MAMDC2: variants seen among roughly 807,000 people sequenced by gnomAD.
MAMDC2 encodes the protein MAM domain-containing protein 2.
In MAMDC2, 57 loss-of-function variants were observed where a neutral mutation model predicts 89.8. The observed-to-expected ratio is 0.63, with a 90% confidence interval of 0.51 to 0.79. MAMDC2 has a LOEUF of 0.79. Ranked by LOEUF, MAMDC2 falls within the 30% of genes least tolerant of loss-of-function variation. The pLI, the probability that MAMDC2 is intolerant of heterozygous loss-of-function variation, is 0.00. For synonymous variants in MAMDC2, 313 were observed against 293.4 expected (o/e 1.07, Z -0.68); for missense variants, 800 against 820.6 (o/e 0.97, Z 0.31).
At chr9:70,161,941 G>T (rs1054544821) in intron 9 of MAMDC2, among the ~76,000 whole-genome samples, 1 of 152,150 alleles carries the variant, frequency 6.6e-6, no homozygotes, top group Non-Finnish European at 1.5e-5. Context: ...AAATCAAACC[G>T]TCTGGGAAAT....
chr9:70,209,541 G>C (rs992275854), intron 11 of MAMDC2, among the ~76,000 whole-genome samples: 1 of 39,654 alleles, frequency 2.5e-5, no homozygotes. Context: ...TAGTCTGAGC[G>C]GTCTATCTAT....
At position 70,185,110 on chromosome 9, in the gene MAMDC2, GT is replaced by G. The variant is rs1248345641; in HGVS notation, c.1651+14481del. Among the ~76,000 whole-genome samples the G allele has an allele frequency of 2.6e-5, 4 of 152,208 alleles. No homozygotes were observed. The East Asian group carries it at 7.7e-4, about 29-fold the overall frequency. ...ATGTTGATATTATTGTTTTCTGTCT[GT>G]TAGTTTTTCTTCTAACAGTCAGGCC... On this transcript the variant is annotated intron_variant, in intron 11 of 13. Coordinates refer to ENST00000377182, the MANE Select transcript of MAMDC2 (RefSeq NM_153267.5).
intron 9 of MAMDC2, 45 bp from the exon 10 acceptor site, chr9:70,168,657 G>A: frequency 6.5e-7 from 1 of 1,536,358 alleles, no homozygotes; most frequent in Non-Finnish European, 9.0e-7. Flanking sequence ...GGAGTTTCCA[G>A]TTTTCAGTTA....
At chr9:70,146,239 G>A (rs778519465) in intron 9 of MAMDC2, among the ~76,000 whole-genome samples, 3 of 152,138 alleles carry the variant, frequency 2.0e-5, no homozygotes, top group African/African-American at 4.8e-5. Context: ...CTACCAAGCC[G>A]CCCAGCAACT....
Position 70,226,949 on chromosome 9 carries a change from TAATA to T in MAMDC2, c.*920_*923del, listed in dbSNP as rs1284063932. On this transcript the variant is annotated 3_prime_UTR_variant, in exon 14 of 14. Transcript: ENST00000377182. ...GCTGCTATGAAATTATAAAATTACCTAATAAAAATAATTTGAAAATCTTTTCACT... is the reference window on the plus strand; with the variant it reads ...GCTGCTATGAAATTATAAAATTACCTAAAATAATTTGAAAATCTTTTCACT... The T allele has an allele frequency of 1.3e-5, 2 of 152,072 alleles. No homozygotes were observed. Among genetic ancestry groups the T allele is most frequent in the African/African-American group, 4.8e-5 (2 of 41,436 alleles). 9.4% of individuals were successfully genotyped at this position (152,072 alleles called of 1,614,324 possible).
chr9:70,073,790 T>C (rs1827465232), intron 2 of MAMDC2, among the ~76,000 whole-genome samples: 1 of 152,322 alleles, frequency 6.6e-6, no homozygotes, highest in African/African-American at 2.4e-5. Flanking sequence ...CACAAGCCCC[T>C]TCTCTCATCA....
chr9:70,065,285 G>C (rs981893678), intron 2 of MAMDC2, among the ~76,000 whole-genome samples: 1 of 152,074 alleles, frequency 6.6e-6, no homozygotes, highest in Non-Finnish European at 1.5e-5. Context: ...GATAAGATTT[G>C]CTATTTATGT....
At chr9:70,211,123 G>A (rs775784717) in intron 11 of MAMDC2, among the ~76,000 whole-genome samples, 15 of 152,194 alleles carry the variant, frequency 9.9e-5, no homozygotes, top group Non-Finnish European at 2.1e-4. Flanking sequence ...TCTTCTCGAG[G>A]AGTATCTTTG....
chr9:70,067,876 G>A (rs1441060566), intron 2 of MAMDC2, among the ~76,000 whole-genome samples: 1 of 152,226 alleles, frequency 6.6e-6, no homozygotes, highest in Non-Finnish European at 1.5e-5. Context: ...GATCAGAGAA[G>A]CAGACCTCAG....
At chr9:70,129,909 A>G (rs2030719215) in intron 6 of MAMDC2, among the ~76,000 whole-genome samples, 1 of 152,050 alleles carries the variant, frequency 6.6e-6, no homozygotes, top group Non-Finnish European at 1.5e-5. Flanking sequence ...GCCATGAGAG[A>G]AAATCTGCCC....
At chr9:70,097,370 A>G (rs1463661136) in intron 2 of MAMDC2, among the ~76,000 whole-genome samples, 1 of 152,224 alleles carries the variant, frequency 6.6e-6, no homozygotes, top group Non-Finnish European at 1.5e-5. Flanking sequence ...AGATTGCGTA[A>G]TGAATTTCCT....
intron 8 of MAMDC2, among the ~76,000 whole-genome samples, chr9:70,143,089 T>C (rs1024687826): frequency 1.3e-5 from 2 of 152,102 alleles, no homozygotes; most frequent in East Asian, 3.9e-4. Context: ...CACACAAACT[T>C]CCACAAAGAC....
chr9:70,195,116 A>C (rs897190744), intron 11 of MAMDC2, among the ~76,000 whole-genome samples: 2 of 152,118 alleles, frequency 1.3e-5, no homozygotes, highest in Admixed American at 1.3e-4. Context: ...TTAAAGAAAA[A>C]CATTAAATGA....
chr9:70,044,764 C>T, intron 2 of MAMDC2, 67 bp downstream of exon 2: 3 of 1,127,732 alleles, frequency 2.7e-6, no homozygotes, highest in Non-Finnish European at 3.9e-6. Flanking sequence ...TTTTTTTTCC[C>T]ACATGGGTAA....
At chr9:70,142,622 G>C (rs578155320) in intron 8 of MAMDC2, among the ~76,000 whole-genome samples, 46 of 152,172 alleles carry the variant, frequency 3.0e-4, no homozygotes, top group Non-Finnish European at 6.0e-4. Context: ...GGTGCCATCA[G>C]GGTGGTTTCT....
At chr9:70,138,016 T>C (rs2031070062) in intron 7 of MAMDC2, among the ~76,000 whole-genome samples, 1 of 152,220 alleles carries the variant, frequency 6.6e-6, no homozygotes, top group Admixed American at 6.5e-5. Context: ...GTAACATACA[T>C]TGTACCCATT....
chr9:70,089,112 ATT>A (rs1406233049), intron 2 of MAMDC2: 1 of 152,144 alleles, frequency 6.6e-6, no homozygotes, highest in Non-Finnish European at 1.5e-5. Context: ...CTGAGTTGTT[ATT>A]CTAAGTAAGA....
At chr9:70,170,394 C>T (rs2032301347) in intron 10 of MAMDC2, 85 bp from the exon 11 acceptor site, 1 of 1,459,216 alleles carries the variant, frequency 6.9e-7, no homozygotes, top group Non-Finnish European at 9.2e-7. Flanking sequence ...GGCCAGACAA[C>T]ATTCATACAT....
chr9:70,163,232 T>TTC (rs1554677349), intron 9 of MAMDC2, among the ~76,000 whole-genome samples: 3 of 146,542 alleles, frequency 2.0e-5, no homozygotes, highest in African/African-American at 5.0e-5. Flanking sequence ...TTTCTTTCTT[T>TTC]TTTTTTTTTT....
Sources: gnomAD v4.1 joint callset for allele counts (sites outside exome capture counted in the v4.1 genomes callset) on GRCh38, gnomAD v4.1.1 for gene constraint, MANE v1.5 for transcripts, NCBI Gene and HGNC (gene_info 2026-07-23, HGNC 2026-07-21) for gene names.